SLC39A12: variants seen among roughly 807,000 people sequenced by gnomAD.
SLC39A12 encodes the protein zinc transporter ZIP12.
A neutral mutation model predicts 71.1 loss-of-function variants in SLC39A12; 63 were observed. The ratio of observed to expected loss-of-function variants is 0.89; its 90% confidence interval spans 0.72 to 1.09. The LOEUF (loss-of-function observed/expected upper bound fraction) is 1.09, where lower values mean the gene tolerates loss of function less well. Ranked by LOEUF, SLC39A12 falls within the 50% of genes least tolerant of loss-of-function variation. The pLI is 0.00. For missense variants in SLC39A12, 892 were observed against 812.6 expected (o/e 1.10, Z -1.19); for synonymous variants, 351 against 301.3 (o/e 1.16, Z -1.71).
intron 11 of SLC39A12, among the ~76,000 whole-genome samples, chr10:18,001,168 G>C (rs1016603456): frequency 5.3e-5 from 8 of 152,146 alleles, no homozygotes; most frequent in Non-Finnish European, 1.0e-4. Context: ...AATATTAGGA[G>C]GGGAACTTTA....
In SLC39A12 at chr10:18,020,157, A is replaced by T. The variant is rs577384036; in HGVS notation, c.1947+16799A>T. ...CACCCTCCACCTTAATTAAGCCCTA[A>T]TATCTATTATACCCTTCTTGAGTCA... On this transcript the variant is annotated intron_variant, in intron 12 of 12. Transcript: ENST00000377369. Among the ~76,000 whole-genome samples the T allele has an allele frequency of 1.3e-5, 2 of 152,086 alleles. 1 individual carries two copies. The highest frequency in any genetic ancestry group is 4.1e-4 in the South Asian group (2 of 4,830).
intron 7 of SLC39A12, among the ~76,000 whole-genome samples, chr10:17,989,161 A>G (rs1462330728): frequency 2.0e-5 from 3 of 152,188 alleles, no homozygotes; most frequent in African/African-American, 7.2e-5. Context: ...ATCTCTTACC[A>G]GGGATAATGA....
chr10:17,961,973 G>C, intron 3 of SLC39A12, 111 bp downstream of exon 3: 1 of 1,122,760 alleles, frequency 8.9e-7, no homozygotes, highest in South Asian at 1.8e-5. Flanking sequence ...AGGGAGGTAA[G>C]TATTTGTGGG....
rs11011935 is a variant in SLC39A12, at chr10:17,991,184, T to C, written c.1303T>C (p.Phe435Leu). 0.01 allele frequency: 15,972 copies of C among 1,574,340 alleles called. 1,546 individuals carry two copies. In the African/African-American group the frequency reaches 0.2, roughly 19 times the overall value. ...TTTACATAAGCAGGAAGCCCCAGAA[T>C]TTGGGCATTTCCATGAAAGCAAAGG... is the stretch of plus-strand genomic sequence containing the variant. Reference protein sequence around the residue: ...LGLHKQEAPEFGHFHESKGHI... With the variant: ...LGLHKQEAPELGHFHESKGHI... The change falls in exon 8 of 13, where the codon TTT becomes CTT. Residue 435 changes from phenylalanine to leucine, a missense_variant. By Grantham distance (22) the Phe-to-Leu change is conservative. Transcript: ENST00000377369.
At chr10:18,006,489 G>A (rs1267870524) in intron 12 of SLC39A12, among the ~76,000 whole-genome samples, 5 of 152,216 alleles carry the variant, frequency 3.3e-5, no homozygotes, top group Admixed American at 6.5e-5. Context: ...AAGCAGCTGG[G>A]AAGACAAAGG....
At chr10:17,967,999 A>T (rs1425886441) in intron 4 of SLC39A12, among the ~76,000 whole-genome samples, 1 of 151,046 alleles carries the variant, frequency 6.6e-6, no homozygotes, top group African/African-American at 2.4e-5. Flanking sequence ...GGTATAAACT[A>T]TGGCTTTCTT....
Position 17,991,018 on chromosome 10 carries a change from T to G in SLC39A12, c.1270-133T>G, listed in dbSNP as rs183918158. On this transcript the variant is annotated intron_variant, in intron 7 of 12. Transcript: ENST00000377369. ...GCAAACTGGACTTTTAGTGATTGTA[T>G]TAATAGTTGTCACGGCATTTCCCAG... is the stretch of plus-strand genomic sequence containing the variant. 395 of 890,892 alleles carry G rather than the reference T, an allele frequency of 4.4e-4. 6 individuals carry two copies. The East Asian group carries it at 5.6e-3, about 13-fold the overall frequency. The allele number at this position is 890,892 out of a possible 1,614,324, so 55.2% of individuals were successfully genotyped here.
chr10:18,035,720 T>C (rs1013361205), intron 12 of SLC39A12, among the ~76,000 whole-genome samples: 90 of 152,370 alleles, frequency 5.9e-4, no homozygotes, highest in African/African-American at 1.9e-3. Flanking sequence ...GGAGGAGAGA[T>C]GCTCTGCGTT....
rs180979824 is a variant in SLC39A12, at chr10:17,970,875, G to A, written c.751+5185G>A. Among the ~76,000 whole-genome samples the A allele has an allele frequency of 4.3e-4, 66 of 152,160 alleles. No homozygotes were observed. In the East Asian group the frequency reaches 5.0e-3, roughly 12 times the overall value. ...TGGTGACAATGGGCATCCTTGTCAT[G>A]TTCCAGATCTGAGAGAAAGGGCTTT... On this transcript the variant is annotated intron_variant, in intron 4 of 12. Transcript: ENST00000377369.
intron 4 of SLC39A12, among the ~76,000 whole-genome samples, 198 bp downstream of exon 4, chr10:17,965,888 A>G (rs1481176297): frequency 6.6e-6 from 1 of 152,234 alleles, no homozygotes; most frequent in African/African-American, 2.4e-5. Context: ...TGATGAGGCA[A>G]AAACATGGAC....
At chr10:17,996,130 C>A (rs1233834862) in intron 10 of SLC39A12, among the ~76,000 whole-genome samples, 1 of 152,250 alleles carries the variant, frequency 6.6e-6, no homozygotes, top group Non-Finnish European at 1.5e-5. Context: ...ATCACAAATG[C>A]GTCTTATTTA....
chr10:18,000,703 T>G lies in SLC39A12; in HGVS notation c.1637T>G (p.Val546Gly). Reference sequence around the variant, plus strand: ...AGCTTGTTAGCAATCATGATTCTGGTTGGGGACAGCCTGCATAATTTTGCA... The same window carrying G: ...AGCTTGTTAGCAATCATGATTCTGGGTGGGGACAGCCTGCATAATTTTGCA... ...AISLLAIMIL[V>G]GDSLHNFADG... The change falls in exon 11 of 13, where the codon GTT (valine) becomes GGT (glycine). Residue 546 changes from valine (V) to glycine (G), a missense_variant. Coordinates refer to ENST00000377369, the MANE Select transcript of SLC39A12 (RefSeq NM_001145195.2). 1 of 1,614,176 alleles carries G rather than the reference T, an allele frequency of 6.2e-7. No homozygotes were observed. The highest frequency in any genetic ancestry group is 2.2e-5 in the East Asian group (1 of 44,882).
Position 18,000,789 on chromosome 10 carries a change from A to T in SLC39A12, c.1723A>T (p.Ile575Phe). 1 of 1,614,144 alleles carries T rather than the reference A, an allele frequency of 6.2e-7. No individual in the cohort carries two copies. Among genetic ancestry groups the T allele is most frequent in the Non-Finnish European group, 8.5e-7 (1 of 1,180,004 alleles). ...SSSESGVTTT[I>F]AILCHEIPHE... is the part of the protein sequence containing the mutation. Reference sequence around the variant, plus strand: ...ATCCGAGTCAGGAGTGACCACTACGATTGCTATCTTGTGTCATGAAATCCC... The same window carrying T: ...ATCCGAGTCAGGAGTGACCACTACGTTTGCTATCTTGTGTCATGAAATCCC... Residue 575 changes from isoleucine to phenylalanine, a missense_variant, in exon 11 of 13, where the codon ATT (isoleucine) becomes TTT (phenylalanine). Physicochemically the swap from Ile to Phe is conservative, Grantham distance 21. Transcript: ENST00000377369.
chr10:17,984,291 G>C (rs1015158302), intron 6 of SLC39A12, among the ~76,000 whole-genome samples: 6 of 152,238 alleles, frequency 3.9e-5, no homozygotes, highest in Non-Finnish European at 8.8e-5. Context: ...AATCTAAAAA[G>C]ATTTGCTAAC....
In SLC39A12 at chr10:17,958,470, T is replaced by C. The variant is rs11011702; in HGVS notation, c.262-3111T>C. Reference sequence around the variant, plus strand: ...ATCTCTTAGCCACCTAACTGACCTCTACTCCCATCAAATAGGAGGGAGAGA... The same window carrying C: ...ATCTCTTAGCCACCTAACTGACCTCCACTCCCATCAAATAGGAGGGAGAGA... On this transcript the variant is annotated intron_variant, in intron 2 of 12. Coordinates refer to ENST00000377369, the MANE Select transcript of SLC39A12 (RefSeq NM_001145195.2). Among the ~76,000 whole-genome samples, 854 of 152,266 alleles carry C rather than the reference T, an allele frequency of 5.6e-3. 10 individuals carry two copies. The highest frequency in any genetic ancestry group is 0.02 in the African/African-American group (811 of 41,548).
At chr10:17,965,067 C>T (rs1277834856) in intron 3 of SLC39A12, among the ~76,000 whole-genome samples, 1 of 152,002 alleles carries the variant, frequency 6.6e-6, no homozygotes, top group African/African-American at 2.4e-5. Context: ...ATTAGCCAGG[C>T]GTGGTGGCAG....
intron 12 of SLC39A12, among the ~76,000 whole-genome samples, chr10:18,011,744 T>G (rs1478300466): frequency 1.3e-5 from 2 of 152,196 alleles, no homozygotes; most frequent in East Asian, 3.8e-4. Flanking sequence ...AACATCTTAG[T>G]CTCTCCTAAT....
chr10:17,990,566 A>G (rs1196572745), intron 7 of SLC39A12, among the ~76,000 whole-genome samples: 1 of 152,136 alleles, frequency 6.6e-6, no homozygotes, highest in Non-Finnish European at 1.5e-5. Context: ...GGGATGAGTC[A>G]GTTACAGAAA....
chr10:18,029,700 A>G (rs1290047718), intron 12 of SLC39A12, among the ~76,000 whole-genome samples: 1 of 152,132 alleles, frequency 6.6e-6, no homozygotes. Flanking sequence ...AAATTGCTCA[A>G]TAACAGGACT....
Sources: gnomAD v4.1 joint callset for allele counts (sites outside exome capture counted in the v4.1 genomes callset) on GRCh38, gnomAD v4.1.1 for gene constraint, MANE v1.5 for transcripts, NCBI Gene and HGNC (gene_info 2026-07-23, HGNC 2026-07-21) for gene names.